CSMD1: variants seen among roughly 807,000 people sequenced by gnomAD.
The protein encoded by CSMD1 is CUB and sushi domain-containing protein 1.
Under a neutral mutation model 417.5 loss-of-function variants are expected in CSMD1, and 213 were observed. That is an observed-to-expected ratio of 0.51 (90% CI 0.46 to 0.57). The LOEUF (loss-of-function observed/expected upper bound fraction) is 0.57, where lower values mean the gene tolerates loss of function less well. Ranked by LOEUF, CSMD1 falls within the 20% of genes least tolerant of loss-of-function variation. The probability of loss-of-function intolerance (pLI) is 0.00; values close to 1 mark genes in which losing one functional copy is unlikely to be tolerated. For missense variants in CSMD1, 6,923 were observed against 4,529.7 expected (o/e 1.53, Z -15.17); for synonymous variants, 2,862 against 1,736.8 (o/e 1.65, Z -16.11).
chr8:3,673,510 C>T (rs1799195097), intron 7 of CSMD1, among the ~76,000 whole-genome samples: 1 of 152,156 alleles, frequency 6.6e-6, no homozygotes, highest in Non-Finnish European at 1.5e-5. Context: ...TGTTCATAAA[C>T]ATTTTACAGG....
At chr8:4,133,848 A>G (rs551330463) in intron 3 of CSMD1, among the ~76,000 whole-genome samples, 17 of 152,272 alleles carry the variant, frequency 1.1e-4, no homozygotes, top group African/African-American at 4.1e-4. Flanking sequence ...CTGCTTTGCA[A>G]TCAGGGTTAC....
At chr8:3,175,170 G>C (rs1416642759) in intron 37 of CSMD1, among the ~76,000 whole-genome samples, 1 of 152,086 alleles carries the variant, frequency 6.6e-6, no homozygotes, top group Non-Finnish European at 1.5e-5. Context: ...TTTGACTAAA[G>C]AAAAGTAATA....
At chr8:4,905,562 G>A (rs980509413) in intron 1 of CSMD1, among the ~76,000 whole-genome samples, 3 of 152,018 alleles carry the variant, frequency 2.0e-5, no homozygotes, top group Non-Finnish European at 2.9e-5. Context: ...GCTCACATCT[G>A]TAATCCCAGC....
chr8:3,013,197 C>T (rs151020165), intron 52 of CSMD1, among the ~76,000 whole-genome samples: 182 of 152,290 alleles, frequency 1.2e-3, no homozygotes, highest in African/African-American at 4.1e-3. Flanking sequence ...CATATGATGT[C>T]TGCATCAACC....
intron 5 of CSMD1, among the ~76,000 whole-genome samples, chr8:3,788,493 G>T (rs368971903): frequency 6.6e-6 from 1 of 152,204 alleles, no homozygotes; most frequent in Admixed American, 6.5e-5. Flanking sequence ...TCCTACTTAA[G>T]AACTTCAGGA....
chr8:4,070,719 T>C (rs777703353), intron 3 of CSMD1, among the ~76,000 whole-genome samples: 1 of 152,102 alleles, frequency 6.6e-6, no homozygotes, highest in Non-Finnish European at 1.5e-5. Flanking sequence ...GTTGTTTCCA[T>C]GAAGCCCGAG....
intron 26 of CSMD1, among the ~76,000 whole-genome samples, chr8:3,255,282 G>T (rs1800568028): frequency 6.6e-6 from 1 of 152,038 alleles, no homozygotes; most frequent in South Asian, 2.1e-4. Flanking sequence ...TGCCCCTACT[G>T]GGGGATGCAT....
At chr8:4,613,447 C>G (rs1025197360) in intron 2 of CSMD1, among the ~76,000 whole-genome samples, 1 of 152,120 alleles carries the variant, frequency 6.6e-6, no homozygotes, top group African/African-American at 2.4e-5. Flanking sequence ...GCCTCCAGAA[C>G]CAAGTTTGCT....
At chr8:3,819,628 G>A (rs57211383) in intron 5 of CSMD1, among the ~76,000 whole-genome samples, 5,493 of 152,054 alleles carry the variant, frequency 0.036, 344 homozygotes, top group African/African-American at 0.12. Context: ...TTGTTGCCCA[G>A]GCTGGAGTAC....
intron 2 of CSMD1, among the ~76,000 whole-genome samples, chr8:4,608,217 C>A (rs1023333365): frequency 2.6e-5 from 4 of 152,122 alleles, no homozygotes; most frequent in African/African-American, 7.2e-5. Context: ...GGGTGGAAAT[C>A]CATGGAAGCA....
intron 3 of CSMD1, among the ~76,000 whole-genome samples, chr8:4,257,710 C>T (rs559864151): frequency 1.3e-5 from 2 of 152,162 alleles, no homozygotes; most frequent in South Asian, 4.1e-4. Context: ...GTCAGTGTCA[C>T]TGGGTACCAA....
At chr8:3,850,943 T>C (rs1236568295) in intron 5 of CSMD1, among the ~76,000 whole-genome samples, 1 of 152,190 alleles carries the variant, frequency 6.6e-6, no homozygotes, top group East Asian at 1.9e-4. Flanking sequence ...AATTACTTCT[T>C]TTAACTTGTT....
At chr8:4,211,829 G>C (rs1800329784) in intron 3 of CSMD1, among the ~76,000 whole-genome samples, 1 of 152,142 alleles carries the variant, frequency 6.6e-6, no homozygotes, top group South Asian at 2.1e-4. Context: ...TTTTCAGTAG[G>C]AGTCTTTGAG....
At chr8:3,475,399 A>T (rs1322814677) in intron 11 of CSMD1, among the ~76,000 whole-genome samples, 1 of 152,238 alleles carries the variant, frequency 6.6e-6, no homozygotes, top group Non-Finnish European at 1.5e-5. Context: ...CACTGTATTC[A>T]TTATACAGCT....
intron 5 of CSMD1, among the ~76,000 whole-genome samples, chr8:3,989,246 G>C (rs975199159): frequency 3.9e-5 from 6 of 152,198 alleles, no homozygotes; most frequent in Non-Finnish European, 7.3e-5. Flanking sequence ...GGGACTTCCA[G>C]AGCAAACCTG....
intron 1 of CSMD1, among the ~76,000 whole-genome samples, chr8:4,781,712 A>G (rs1585089041): frequency 6.6e-6 from 1 of 152,302 alleles, no homozygotes; most frequent in East Asian, 1.9e-4. Context: ...ATATATGCAC[A>G]TTTCTGGGAA....
At chr8:4,358,116 AATTT>A (rs1450410052) in intron 3 of CSMD1, among the ~76,000 whole-genome samples, 1 of 152,154 alleles carries the variant, frequency 6.6e-6, no homozygotes, top group Admixed American at 6.5e-5. Flanking sequence ...CAGCCAATTT[AATTT>A]ATTCTCAAAA....
At chr8:3,193,225 A>G (rs1033885091) in intron 33 of CSMD1, among the ~76,000 whole-genome samples, 3 of 152,208 alleles carry the variant, frequency 2.0e-5, no homozygotes, top group Non-Finnish European at 4.4e-5. Flanking sequence ...ATATAGCACC[A>G]AGGGTCATTT....
intron 1 of CSMD1, among the ~76,000 whole-genome samples, chr8:4,908,407 T>C (rs1789387832): frequency 9.9e-5 from 15 of 152,232 alleles, no homozygotes; most frequent in Admixed American, 9.8e-4. Flanking sequence ...ATCATTAATT[T>C]TGGAAAGCTC....
Sources: allele counts gnomAD v4.1 joint callset (sites outside exome capture counted in the v4.1 genomes callset), GRCh38; gene constraint gnomAD v4.1.1; transcripts MANE v1.5; gene names NCBI Gene and HGNC (gene_info 2026-07-23, HGNC 2026-07-21).